Variants in EYS observed in about 807,000 individuals in gnomAD.
EYS encodes the protein EGF-like photoreceptor maintenance factor, also known as protein eyes shut homolog.
Under a neutral mutation model 282.1 loss-of-function variants are expected in EYS, and 250 were observed. The ratio of observed to expected loss-of-function variants is 0.89; its 90% CI spans 0.80 to 0.98. EYS has a LOEUF of 0.98. EYS is among the 50% of genes least tolerant of loss of function. The probability of loss-of-function intolerance (pLI) is 0.00; values close to 1 mark genes in which losing one functional copy is unlikely to be tolerated. For missense variants in EYS, 4,016 were observed against 3,709.0 expected, an observed-to-expected ratio of 1.08 and a Z score of -2.15; for synonymous variants, 1,355 against 1,282.9, an observed-to-expected ratio of 1.06 and a Z score of -1.20.
chr6:65,382,659 A>C (rs1765663065), intron 8 of EYS, among the ~76,000 whole-genome samples: 2 of 152,102 alleles, frequency 1.3e-5, no homozygotes, highest in African/African-American at 4.8e-5. Flanking sequence ...CTGAGGAGCA[A>C]GGAAGCCAGT....
At chr6:65,143,397 A>G (rs1055245871) in intron 12 of EYS, among the ~76,000 whole-genome samples, 11 of 152,106 alleles carry the variant, frequency 7.2e-5, no homozygotes, top group Admixed American at 5.3e-4. Context: ...ATTAAAATGT[A>G]AAGAGGCCAG....
At chr6:64,082,188 C>T (rs906445371) in intron 31 of EYS, among the ~76,000 whole-genome samples, 186 bp from the exon 32 acceptor site, 6 of 151,990 alleles carry the variant, frequency 3.9e-5, no homozygotes, top group African/African-American at 1.4e-4. Context: ...TCAAATAATT[C>T]ACTACCAGTA....
At chr6:64,091,874 A>T (rs902752706) in intron 31 of EYS, among the ~76,000 whole-genome samples, 1 of 152,100 alleles carries the variant, frequency 6.6e-6, no homozygotes, top group Non-Finnish European at 1.5e-5. Flanking sequence ...TACATTAGGT[A>T]TATCTCCTAA....
intron 22 of EYS, among the ~76,000 whole-genome samples, chr6:64,645,350 A>C (rs1768312698): frequency 6.6e-6 from 1 of 152,226 alleles, no homozygotes; most frequent in South Asian, 2.1e-4. Context: ...TTTTAGACAA[A>C]TCACAATATT....
At chr6:64,498,928 G>C (rs1042486496) in intron 26 of EYS, among the ~76,000 whole-genome samples, 1 of 152,150 alleles carries the variant, frequency 6.6e-6, no homozygotes, top group African/African-American at 2.4e-5. Context: ...AAACACGTGT[G>C]CATGTGTATT....
chr6:65,143,097 A>G (rs1281272752), intron 12 of EYS, among the ~76,000 whole-genome samples: 1 of 152,032 alleles, frequency 6.6e-6, no homozygotes. Context: ...CTCATGATAA[A>G]CTTGCTAATA....
intron 29 of EYS, among the ~76,000 whole-genome samples, chr6:64,387,013 C>T (rs664741): frequency 0.76 from 115,336 of 151,916 alleles, 44,307 homozygotes; most frequent in African/African-American, 0.89. Flanking sequence ...AAATATATAC[C>T]ATTTTGCATT....
At chr6:65,310,215 G>T (rs905884421) in intron 11 of EYS, among the ~76,000 whole-genome samples, 1 of 152,038 alleles carries the variant, frequency 6.6e-6, no homozygotes, top group African/African-American at 2.4e-5. Flanking sequence ...AAGGTGGCAT[G>T]TGCCTGTAAT....
At chr6:64,438,876 T>C (rs1403318110) in intron 27 of EYS, among the ~76,000 whole-genome samples, 3 of 151,608 alleles carry the variant, frequency 2.0e-5, no homozygotes, top group Non-Finnish European at 4.4e-5. Flanking sequence ...ATTATATTTT[T>C]TAAATTTATA....
chr6:64,179,021 C>A (rs1265839460), intron 31 of EYS, among the ~76,000 whole-genome samples: 1 of 151,920 alleles, frequency 6.6e-6, no homozygotes, highest in Non-Finnish European at 1.5e-5. Context: ...TAGACATCTC[C>A]TTGGCATGAA....
chr6:63,994,367 G>A (rs753888172), intron 34 of EYS, among the ~76,000 whole-genome samples: 1 of 151,882 alleles, frequency 6.6e-6, no homozygotes, highest in Non-Finnish European at 1.5e-5. Flanking sequence ...GTAGGAAATA[G>A]TGCATGTTCC....
At chr6:65,298,229 T>A (rs1018269187) in intron 11 of EYS, among the ~76,000 whole-genome samples, 2 of 152,092 alleles carry the variant, frequency 1.3e-5, no homozygotes, top group South Asian at 2.1e-4. Context: ...TTTTGAAAAT[T>A]AAGAGTAATA....
At chr6:64,592,532 G>A (rs1299673599) in intron 25 of EYS, among the ~76,000 whole-genome samples, 1 of 152,030 alleles carries the variant, frequency 6.6e-6, no homozygotes, top group African/African-American at 2.4e-5. Context: ...AGAATTCCTT[G>A]CTAAGGGCTA....
At chr6:65,415,443 G>T (rs1767193782) in intron 5 of EYS, among the ~76,000 whole-genome samples, 1 of 152,050 alleles carries the variant, frequency 6.6e-6, no homozygotes, top group South Asian at 2.1e-4. Context: ...AACTAGGGAG[G>T]TCTTAGAGGT....
At chr6:63,994,504 T>C (rs1174898764) in intron 34 of EYS, among the ~76,000 whole-genome samples, 1 of 151,894 alleles carries the variant, frequency 6.6e-6, no homozygotes, top group African/African-American at 2.4e-5. Flanking sequence ...ACTAAGGCTG[T>C]TCCTGATGGG....
chr6:64,557,800 G>A (rs1370337201), intron 26 of EYS, among the ~76,000 whole-genome samples: 1 of 152,048 alleles, frequency 6.6e-6, no homozygotes, highest in Non-Finnish European at 1.5e-5. Flanking sequence ...GGTCAATAAA[G>A]TTTTGTCAGA....
At chr6:65,339,279 T>C (rs754558805) in intron 10 of EYS, among the ~76,000 whole-genome samples, 1 of 151,000 alleles carries the variant, frequency 6.6e-6, no homozygotes, top group Non-Finnish European at 1.5e-5. Flanking sequence ...TCTCCAAAAA[T>C]AGAATGCAGG....
intron 22 of EYS, among the ~76,000 whole-genome samples, chr6:64,795,894 T>C (rs1170346651): frequency 6.6e-6 from 1 of 152,122 alleles, no homozygotes; most frequent in Non-Finnish European, 1.5e-5. Flanking sequence ...GTACTGAGGG[T>C]TTATGCATTG....
intron 2 of EYS, among the ~76,000 whole-genome samples, chr6:65,546,996 CTAAAGGTACACACTTCTA>C (rs1262728885): frequency 6.6e-6 from 1 of 151,966 alleles, no homozygotes; most frequent in African/African-American, 2.4e-5. Flanking sequence ...TCTAAAACAA[CTAAAGGTACACACTTCTA>C]TAGAATCAGA....
Sources: allele counts gnomAD v4.1 joint callset (sites outside exome capture counted in the v4.1 genomes callset), GRCh38; gene constraint gnomAD v4.1.1; transcripts MANE v1.5; gene names NCBI Gene and HGNC (gene_info 2026-07-23, HGNC 2026-07-21).